SIM1: variants seen among roughly 807,000 people sequenced by gnomAD.
SIM1 encodes single-minded homolog 1.
In SIM1, 18 loss-of-function variants were observed where a neutral mutation model predicts 78.2. The observed-to-expected ratio is 0.23, with a 90% confidence interval of 0.16 to 0.34. The LOEUF is 0.34. Among genes scored for constraint, SIM1 ranks in the 10% least tolerant of loss-of-function variants. The pLI is 1.00. For missense variants in SIM1, 939 were observed against 975.1 expected (o/e 0.96, Z 0.49); for synonymous variants, 417 against 385.2 (o/e 1.08, Z -0.97).
At chr6:100,441,217 G>A (rs1479513481) in intron 9 of SIM1, among the ~76,000 whole-genome samples, 2 of 152,160 alleles carry the variant, frequency 1.3e-5, no homozygotes, top group African/African-American at 4.8e-5. Flanking sequence ...AAGGAGTGGA[G>A]GCCAGAGAGG....
At chr6:100,443,149 T>C (rs1413742919) in intron 9 of SIM1, among the ~76,000 whole-genome samples, 1 of 152,098 alleles carries the variant, frequency 6.6e-6, no homozygotes, top group Non-Finnish European at 1.5e-5. Flanking sequence ...AAGGGGTATT[T>C]AGTAGACAGC....
At chr6:100,400,475 A>G (rs1164256847) in intron 10 of SIM1, among the ~76,000 whole-genome samples, 1 of 152,134 alleles carries the variant, frequency 6.6e-6, no homozygotes, top group Admixed American at 6.5e-5. Flanking sequence ...CTGAAAAAAA[A>G]ACTTTTAAAT....
At chr6:100,458,357 G>C (rs1287509551) in intron 2 of SIM1, among the ~76,000 whole-genome samples, 1 of 152,308 alleles carries the variant, frequency 6.6e-6, no homozygotes, top group Middle Eastern at 3.4e-3. Flanking sequence ...TGGCGAGGCC[G>C]AGCCCGAACG....
chr6:100,413,450 C>T lies in SIM1; in HGVS notation c.1167+7340G>A, dbSNP rs150079668. On this transcript the variant is annotated intron_variant, in intron 10 of 11. Transcript: ENST00000369208. ...TTGTTGGTAGGTCTAATTTCACCTTCCTCATTTATGCCACTTTTTCTCATT... is the reference window on the plus strand; with the variant it reads ...TTGTTGGTAGGTCTAATTTCACCTTTCTCATTTATGCCACTTTTTCTCATT... Among the ~76,000 whole-genome samples, 584 of 152,306 alleles carry T rather than the reference C, an allele frequency of 3.8e-3. 8 individuals carry two copies. The highest frequency in any genetic ancestry group is 0.025 in the Admixed American group (389 of 15,294).
chr6:100,412,667 G>A (rs1414721754), intron 10 of SIM1, among the ~76,000 whole-genome samples: 6 of 115,986 alleles, frequency 5.2e-5, no homozygotes, highest in African/African-American at 1.4e-4. Context: ...GAGAGAGAGA[G>A]AGAGAGAAAG....
At chr6:100,425,526 A>G (rs1771704784) in intron 9 of SIM1, among the ~76,000 whole-genome samples, 1 of 152,220 alleles carries the variant, frequency 6.6e-6, no homozygotes, top group African/African-American at 2.4e-5. Flanking sequence ...AGCACAATAA[A>G]AAATACCCAC....
chr6:100,425,023 C>T (rs1347091509), intron 9 of SIM1, among the ~76,000 whole-genome samples: 1 of 152,264 alleles, frequency 6.6e-6, no homozygotes, highest in Non-Finnish European at 1.5e-5. Context: ...AGAATTCCCA[C>T]GTGTTGTGGG....
rs754454436 is a variant in SIM1, at chr6:100,385,990, T to C, written c.*4371A>G. ...TGTTGTCATTCATTTAAAATTTAGA[T>C]GATAACGAATGTTTTATCCACAATT... On this transcript the variant is annotated 3_prime_UTR_variant, in exon 12 of 12. Transcript: ENST00000369208. The C allele has an allele frequency of 2.6e-5, 4 of 152,084 alleles. No individual in the cohort carries two copies. Among genetic ancestry groups the C allele is most frequent in the African/African-American group, 7.2e-5 (3 of 41,442 alleles). 9.4% of individuals were successfully genotyped at this position (152,084 alleles called of 1,614,324 possible).
intron 10 of SIM1, among the ~76,000 whole-genome samples, chr6:100,413,100 C>T (rs974598962): frequency 5.3e-5 from 8 of 152,224 alleles, no homozygotes; most frequent in Non-Finnish European, 1.0e-4. Context: ...AGATACCACA[C>T]TGACACCACC....
In SIM1 at chr6:100,386,565, C is replaced by T. The variant is rs541592199; in HGVS notation, c.*3796G>A. On this transcript the variant is annotated 3_prime_UTR_variant, in exon 12 of 12. Coordinates refer to ENST00000369208, the MANE Select transcript of SIM1 (RefSeq NM_005068.3). ...AAATGGTCTTGTACTATAATTGATC[C>T]TCATCCCCCATAAGAAGGAGAAATA... is the stretch of plus-strand genomic sequence containing the variant. 2.0e-5 allele frequency: 3 copies of T among 152,034 alleles called. No homozygotes were observed. The South Asian group carries it at 6.2e-4, about 32-fold the overall frequency. 9.4% of individuals were successfully genotyped at this position (152,034 alleles called of 1,614,324 possible). A position where few individuals can be genotyped will look rare whatever the true frequency, so the allele number is the denominator to read the frequency against.
chr6:100,421,787 T>C (rs1016585610), intron 9 of SIM1, among the ~76,000 whole-genome samples: 5 of 152,196 alleles, frequency 3.3e-5, no homozygotes, highest in Admixed American at 3.3e-4. Context: ...GCAGCGAGTC[T>C]CATCGGACTC....
At chr6:100,431,587 T>C (rs1771900993) in intron 9 of SIM1, among the ~76,000 whole-genome samples, 1 of 152,240 alleles carries the variant, frequency 6.6e-6, no homozygotes, top group Non-Finnish European at 1.5e-5. Flanking sequence ...TTCTGAGTAT[T>C]TGCTAGAGAT....
rs1554220868 is a variant in SIM1, at chr6:100,412,637, A to AGAG, written c.1167+8152_1167+8153insCTC. 4.4e-5 allele frequency among the ~76,000 whole-genome samples: 4 copies of AGAG among 91,652 alleles called. 1 individual carries two copies. The highest frequency in any genetic ancestry group is 1.4e-3 in the East Asian group (2 of 1,384). 60.1% of individuals were successfully genotyped at this position (91,652 alleles called of 152,430 possible). A position where few individuals can be genotyped will look rare whatever the true frequency, so the allele number is the denominator to read the frequency against. ...GAAAGAAAGAAGGAAAGAAAGAAAG[A>AGAG]AAAGAAAGAAAGAAAGAAAGAGAGA... On this transcript the variant is annotated intron_variant, in intron 10 of 11. Transcript: ENST00000369208.
At chr6:100,463,213 T>C (rs1362667396) in intron 2 of SIM1, 81 bp downstream of exon 2, 3 of 1,264,890 alleles carry the variant, frequency 2.4e-6, no homozygotes, top group Non-Finnish European at 3.3e-6. Context: ...TGCATTTCTC[T>C]GGTCACTGAT....
chr6:100,390,921 T>C lies in SIM1; in HGVS notation c.1741A>G (p.Arg581Gly), dbSNP rs1004357606. 1.3e-5 allele frequency: 21 copies of C among 1,614,068 alleles called. No homozygotes were observed. The Admixed American group carries it at 2.5e-4, about 19-fold the overall frequency. ...TQQMIKEEEN[R>G]LQLRKAPSDQ... Reference sequence around the variant, plus strand: ...GAGGGGGCTTTCCTTAGCTGTAATCTGTTCTCTTCTTCTTTAATCATTTGC... The same window carrying C: ...GAGGGGGCTTTCCTTAGCTGTAATCCGTTCTCTTCTTCTTTAATCATTTGC... Residue 581 changes from arginine to glycine, a missense_variant, in exon 12 of 12, where the codon AGA (arginine) becomes GGA (glycine). Transcript: ENST00000369208.
intron 10 of SIM1, among the ~76,000 whole-genome samples, chr6:100,402,616 C>A (rs1770948220): frequency 1.8e-5 from 2 of 110,090 alleles, no homozygotes; most frequent in South Asian, 6.3e-4. Context: ...CTCGCCCTGT[C>A]GCCCAGGCTG....
At chr6:100,412,608 A>AAAGAAAG in intron 10 of SIM1, among the ~76,000 whole-genome samples, 1 of 104,648 alleles carries the variant, frequency 9.6e-6, no homozygotes, top group South Asian at 3.3e-4. Context: ...AGAAAGAAAG[A>AAAGAAAG]AAGGAAAGAA....
chr6:100,459,162 A>C (rs1426104321), intron 2 of SIM1, among the ~76,000 whole-genome samples: 2 of 152,236 alleles, frequency 1.3e-5, no homozygotes, highest in Non-Finnish European at 2.9e-5. Flanking sequence ...TTATCATTAG[A>C]CGGGTGATTG....
At chr6:100,462,169 C>T (rs897104844) in intron 2 of SIM1, among the ~76,000 whole-genome samples, 6 of 152,046 alleles carry the variant, frequency 3.9e-5, no homozygotes, top group African/African-American at 1.5e-4. Context: ...CGGAAAACCA[C>T]AAACCCCAAA....
Sources: gnomAD v4.1 joint callset for allele counts (sites outside exome capture counted in the v4.1 genomes callset) on GRCh38, gnomAD v4.1.1 for gene constraint, MANE v1.5 for transcripts, NCBI Gene and HGNC (gene_info 2026-07-23, HGNC 2026-07-21) for gene names.